The following CSMD1 variants were observed in gnomAD, a reference collection of about 807,000 sequenced individuals.
CSMD1 encodes the protein CUB and sushi domain-containing protein 1.
A neutral mutation model predicts 417.5 loss-of-function variants in CSMD1; 213 were observed. The ratio of observed to expected loss-of-function variants is 0.51; its 90% CI spans 0.46 to 0.57. The LOEUF (loss-of-function observed/expected upper bound fraction) is 0.57, where lower values mean the gene tolerates loss of function less well. Among genes scored for constraint, CSMD1 ranks in the 20% least tolerant of loss-of-function variants. The pLI is 0.00. For missense variants in CSMD1, 6,923 were observed against 4,529.7 expected (o/e 1.53, Z -15.17); for synonymous variants, 2,862 against 1,736.8 (o/e 1.65, Z -16.11).
intron 5 of CSMD1, among the ~76,000 whole-genome samples, chr8:3,774,238 C>T (rs1020745403): frequency 2.0e-5 from 3 of 152,120 alleles, no homozygotes; most frequent in Non-Finnish European, 4.4e-5. Context: ...GGCTCAAATG[C>T]CACTTGCTCT....
intron 41 of CSMD1, among the ~76,000 whole-genome samples, chr8:3,133,380 C>A (rs894942818): frequency 6.6e-6 from 1 of 152,206 alleles, no homozygotes; most frequent in Non-Finnish European, 1.5e-5. Context: ...CCTTTACAAT[C>A]GTCCTCAGTC....
intron 3 of CSMD1, among the ~76,000 whole-genome samples, chr8:4,067,569 TCAA>T (rs1324600859): frequency 8.5e-5 from 13 of 152,172 alleles, no homozygotes; most frequent in Admixed American, 6.5e-4. Flanking sequence ...AGAATAAGTT[TCAA>T]CAACAGCATT....
At chr8:4,098,661 T>C (rs1239698513) in intron 3 of CSMD1, among the ~76,000 whole-genome samples, 1 of 152,192 alleles carries the variant, frequency 6.6e-6, no homozygotes, top group African/African-American at 2.4e-5. Context: ...TTTTTAATTC[T>C]TCACTGTCTT....
intron 27 of CSMD1, among the ~76,000 whole-genome samples, chr8:3,227,013 C>G (rs1798546135): frequency 6.6e-6 from 1 of 152,050 alleles, no homozygotes; most frequent in South Asian, 2.1e-4. Flanking sequence ...GCCTTAAAAT[C>G]TATAAAGTGT....
At chr8:2,955,877 T>G in intron 63 of CSMD1, 109 bp from the exon 64 acceptor site, 4 of 842,436 alleles carry the variant, frequency 4.7e-6, no homozygotes, top group Non-Finnish European at 7.5e-6. Context: ...GCAGTCAATA[T>G]GTATATATAC....
At chr8:4,747,385 A>G (rs1312276810) in intron 1 of CSMD1, among the ~76,000 whole-genome samples, 1 of 152,206 alleles carries the variant, frequency 6.6e-6, no homozygotes, top group Admixed American at 6.5e-5. Context: ...ATGGCGAGAC[A>G]CACAACTAAC....
intron 39 of CSMD1, among the ~76,000 whole-genome samples, chr8:3,154,569 T>G (rs1040930366): frequency 2.6e-5 from 4 of 152,178 alleles, no homozygotes; most frequent in African/African-American, 9.7e-5. Context: ...ATACAGAATT[T>G]TTACTGAAGG....
intron 36 of CSMD1, among the ~76,000 whole-genome samples, chr8:3,186,584 G>A (rs1039390182): frequency 6.6e-6 from 1 of 152,270 alleles, no homozygotes; most frequent in African/African-American, 2.4e-5. Flanking sequence ...ATCAGACACT[G>A]TGAATGGCCT....
At chr8:4,115,016 AG>A (rs1386713250) in intron 3 of CSMD1, among the ~76,000 whole-genome samples, 2 of 152,232 alleles carry the variant, frequency 1.3e-5, no homozygotes, top group African/African-American at 4.8e-5. Flanking sequence ...TTGATAATGC[AG>A]AAGCATGGTT....
intron 3 of CSMD1, among the ~76,000 whole-genome samples, chr8:4,121,208 G>T (rs181681411): frequency 6.6e-6 from 1 of 151,964 alleles, no homozygotes; most frequent in Non-Finnish European, 1.5e-5. Context: ...TCTGCCTCTC[G>T]GGTTCAAGCA....
At chr8:4,330,375 AC>A (rs1455034821) in intron 3 of CSMD1, among the ~76,000 whole-genome samples, 62 of 152,218 alleles carry the variant, frequency 4.1e-4, no homozygotes, top group South Asian at 1.5e-3. Context: ...CAGGCAGATC[AC>A]TTGAGGTCAG....
chr8:4,549,811 C>G (rs1034857772), intron 2 of CSMD1, among the ~76,000 whole-genome samples: 1 of 146,286 alleles, frequency 6.8e-6, no homozygotes, highest in East Asian at 2.1e-4. Flanking sequence ...GCAGGAGAAT[C>G]GCTTCAGCCC....
chr8:4,803,842 G>C (rs937958921), intron 1 of CSMD1, among the ~76,000 whole-genome samples: 1 of 152,168 alleles, frequency 6.6e-6, no homozygotes. Context: ...CAGTAATTAT[G>C]TGTGTGTTAC....
intron 2 of CSMD1, among the ~76,000 whole-genome samples, chr8:4,504,350 G>A (rs1224983600): frequency 6.6e-6 from 1 of 152,102 alleles, no homozygotes; most frequent in African/African-American, 2.4e-5. Flanking sequence ...CTATTTAAGG[G>A]GTACATGGTT....
intron 5 of CSMD1, among the ~76,000 whole-genome samples, chr8:3,890,047 C>G (rs1270218822): frequency 1.3e-5 from 2 of 152,006 alleles, no homozygotes; most frequent in African/African-American, 4.8e-5. Context: ...AAAAAAGTTT[C>G]TGAATCCCAA....
intron 3 of CSMD1, among the ~76,000 whole-genome samples, chr8:4,146,200 G>A (rs1192468538): frequency 1.3e-5 from 2 of 150,946 alleles, no homozygotes; most frequent in Non-Finnish European, 2.9e-5. Context: ...TCAAAAAAAG[G>A]GTGATATCGT....
chr8:4,288,441 A>G (rs1330681788), intron 3 of CSMD1, among the ~76,000 whole-genome samples: 5 of 152,206 alleles, frequency 3.3e-5, no homozygotes, highest in African/African-American at 7.2e-5. Context: ...ATTCAATTCA[A>G]TGCTGTAGCC....
At chr8:3,863,373 G>T (rs367638389) in intron 5 of CSMD1, among the ~76,000 whole-genome samples, 2 of 145,026 alleles carry the variant, frequency 1.4e-5, no homozygotes, top group Non-Finnish European at 3.0e-5. Flanking sequence ...TCTAGCCTAG[G>T]CTACAGCAAT....
At chr8:4,310,525 A>G (rs1798501639) in intron 3 of CSMD1, among the ~76,000 whole-genome samples, 1 of 87,592 alleles carries the variant, frequency 1.1e-5, no homozygotes, top group African/African-American at 3.1e-5. Flanking sequence ...ATTAAATAAA[A>G]TATCTTTGGA....
Sources: allele counts gnomAD v4.1 joint callset (sites outside exome capture counted in the v4.1 genomes callset), GRCh38; gene constraint gnomAD v4.1.1; transcripts MANE v1.5; gene names NCBI Gene and HGNC (gene_info 2026-07-23, HGNC 2026-07-21).